Variants in TSHB observed in about 807,000 individuals in gnomAD.
The protein encoded by TSHB is thyroid stimulating hormone subunit beta, also known as thyrotropin subunit beta.
A neutral mutation model predicts 9.3 loss-of-function variants in TSHB; 9 were observed. The ratio of observed to expected loss-of-function variants is 0.97; its 90% CI spans 0.58 to 1.69. TSHB has a LOEUF of 1.69. TSHB is among the 40% of genes most tolerant of loss of function. TSHB has a pLI of 0.00. For missense variants in TSHB, 182 were observed against 168.5 expected, an observed-to-expected ratio of 1.08 and a Z score of -0.44; for synonymous variants, 57 against 57.2, an observed-to-expected ratio of 1.00 and a Z score of 0.01.
At chr1:115,029,901 T>G (rs1355298385) in intron 1 of TSHB, 41 bp downstream of exon 1, 1 of 152,530 alleles carries the variant, frequency 6.6e-6, no homozygotes, top group Admixed American at 6.6e-5. Flanking sequence ...AATGATATGT[T>G]CTTAAGCTAT....
intron 1 of TSHB, among the ~76,000 whole-genome samples, chr1:115,031,694 A>T (rs1424663795): frequency 1.3e-5 from 2 of 152,054 alleles, no homozygotes; most frequent in East Asian, 3.9e-4. Flanking sequence ...ACAGAGGATC[A>T]TCAAGTTCTG....
chr1:115,031,541 T>A (rs1304535019), intron 1 of TSHB, among the ~76,000 whole-genome samples: 1 of 152,078 alleles, frequency 6.6e-6, no homozygotes, highest in African/African-American at 2.4e-5. Flanking sequence ...TACAGAATTA[T>A]AGAGCTAAAA....
At chr1:115,033,301 T>A in intron 1 of TSHB, 61 bp from the exon 2 acceptor site, 1 of 1,528,872 alleles carries the variant, frequency 6.5e-7, no homozygotes, top group Non-Finnish European at 9.0e-7. Context: ...ATACTTTTTC[T>A]TGGTTTCTTT....
rs577492810 is a variant in TSHB at position 115,033,139 on chromosome 1, CA to C, written c.-1-222del. Among the ~76,000 whole-genome samples the C allele has an allele frequency of 5.9e-5, 9 of 151,882 alleles. No individual in the cohort carries two copies. The East Asian group carries it at 1.6e-3, about 26-fold the overall frequency. Reference sequence around the variant, plus strand: ...TATCCTAAGGGTTTGGAAGTGGGATCAGGGGGTTCCTAGATTTCTGAGTTAG... The same window carrying C: ...TATCCTAAGGGTTTGGAAGTGGGATCGGGGGTTCCTAGATTTCTGAGTTAG... On this transcript the variant is annotated intron_variant, in intron 1 of 2. Coordinates refer to ENST00000256592, the MANE Select transcript of TSHB (RefSeq NM_000549.5).
Position 115,034,063 on chromosome 1 carries a change from C to G in TSHB, c.253C>G (p.Pro85Ala). 1 of 1,613,780 alleles carries G rather than the reference C, an allele frequency of 6.2e-7. No homozygotes were observed. Among genetic ancestry groups the G allele is most frequent in the Non-Finnish European group, 8.5e-7 (1 of 1,179,788 alleles). Residue 85 changes from proline to alanine, a missense_variant, in exon 3 of 3, where the codon CCA (proline) becomes GCA (alanine). Physicochemically the swap from Pro to Ala is conservative, Grantham distance 27. Coordinates refer to ENST00000256592, the MANE Select transcript of TSHB (RefSeq NM_000549.5). Reference sequence around the variant, plus strand: ...CTTCATCTACAGGACTGTAGAAATACCAGGATGCCCACTCCATGTTGCTCC... The same window carrying G: ...CTTCATCTACAGGACTGTAGAAATAGCAGGATGCCCACTCCATGTTGCTCC... ...RDFIYRTVEIPGCPLHVAPYF... is the reference protein window; with the variant it reads ...RDFIYRTVEIAGCPLHVAPYF...
chr1:115,030,340 A>G (rs969836400), intron 1 of TSHB, among the ~76,000 whole-genome samples: 2 of 152,016 alleles, frequency 1.3e-5, no homozygotes, highest in African/African-American at 2.4e-5. Flanking sequence ...ACCTCCTTTG[A>G]TAGTGTTCAA....
In TSHB at chr1:115,033,518, G is replaced by A. The variant is rs1244551775; in HGVS notation, c.156G>A (p.Met52Ile). ...INTTICAGYC[M>I]TRDINGKLFL... ...CCACCATCTGTGCTGGATATTGTATGACACGGGTATGTAGTTCATGTCACT... is the reference window on the plus strand; with the variant it reads ...CCACCATCTGTGCTGGATATTGTATAACACGGGTATGTAGTTCATGTCACT... Residue 52 changes from methionine (M) to isoleucine (I), a missense_variant, in exon 2 of 3, where the codon ATG becomes ATA. Physicochemically the swap from Met to Ile is conservative, Grantham distance 10 (BLOSUM62 1). Coordinates refer to ENST00000256592, the MANE Select transcript of TSHB (RefSeq NM_000549.5). 7 of 1,612,796 alleles carry A rather than the reference G, an allele frequency of 4.3e-6. No homozygotes were observed. Among genetic ancestry groups the A allele is most frequent in the African/African-American group, 1.3e-5 (1 of 74,858 alleles).
Position 115,033,980 on chromosome 1 carries a change from A to G in TSHB, c.170A>G (p.Asn57Ser). ...TTTCTGTTCTTTCCCCAGGATATCA[A>G]TGGCAAACTGTTTCTTCCCAAATAT... ...CAGYCMTRDINGKLFLPKYAL... is the reference protein window; with the variant it reads ...CAGYCMTRDISGKLFLPKYAL... The change falls in exon 3 of 3, where the codon AAT becomes AGT. Residue 57 changes from asparagine to serine, a missense_variant. Asn to Ser is a conservative substitution (Grantham distance 46). Coordinates refer to ENST00000256592, the MANE Select transcript of TSHB (RefSeq NM_000549.5). 1 of 1,613,520 alleles carries G rather than the reference A, an allele frequency of 6.2e-7. No individual in the cohort carries two copies. Among genetic ancestry groups the G allele is most frequent in the Non-Finnish European group, 8.5e-7 (1 of 1,179,712 alleles).
chr1:115,033,846 C>A lies in TSHB; in HGVS notation c.163-127C>A, dbSNP rs186902804. On this transcript the variant is annotated intron_variant, in intron 2 of 2. Coordinates refer to ENST00000256592, the MANE Select transcript of TSHB (RefSeq NM_000549.5). ...GTTAAGTTGGTATTGGAGAATGGGGCTAAGCAATTCTTTCCCAGTTGTATT... is the reference window on the plus strand; with the variant it reads ...GTTAAGTTGGTATTGGAGAATGGGGATAAGCAATTCTTTCCCAGTTGTATT... 7.3e-6 allele frequency: 10 copies of A among 1,365,316 alleles called. No individual in the cohort carries two copies. In the East Asian group the frequency reaches 2.3e-4, roughly 32 times the overall value. 84.6% of individuals were successfully genotyped at this position (1,365,316 alleles called of 1,614,324 possible).
At position 115,034,170 on chromosome 1, in the gene TSHB, C is replaced by A; in HGVS notation, c.360C>A (p.Ile120=). The part of the protein sequence containing the change: ...TDYSDCIHEA[I]KTNYCTKPQK... ...ATAGTGACTGCATACATGAAGCCAT[C>A]AAGACAAACTACTGTACCAAACCTC... Residue 120 remains isoleucine, a synonymous_variant, in exon 3 of 3, where the codon ATC becomes ATA. Transcript: ENST00000256592. The A allele has an allele frequency of 6.2e-7, 1 of 1,613,808 alleles. No homozygotes were observed. The highest frequency in any genetic ancestry group is 1.1e-5 in the South Asian group (1 of 91,068).
chr1:115,033,003 A>AG (rs1364456553), intron 1 of TSHB, among the ~76,000 whole-genome samples: 2 of 56,096 alleles, frequency 3.6e-5, no homozygotes, highest in African/African-American at 6.9e-5. Flanking sequence ...AATTGTGTCA[A>AG]CCTTTTTTTT....
At chr1:115,031,532 AC>A (rs1378549795) in intron 1 of TSHB, among the ~76,000 whole-genome samples, 2 of 152,058 alleles carry the variant, frequency 1.3e-5, no homozygotes, top group East Asian at 3.8e-4. Flanking sequence ...TTGATTTTAT[AC>A]AGAATTATAG....
chr1:115,033,787 G>C (rs1674948370), intron 2 of TSHB, 186 bp from the exon 3 acceptor site: 1 of 310,332 alleles, frequency 3.2e-6, no homozygotes, highest in African/African-American at 2.3e-5. Flanking sequence ...AAAGAGAGGA[G>C]GGTCTCACTT....
intron 1 of TSHB, 69 bp from the exon 2 acceptor site, chr1:115,033,293 A>T: frequency 6.8e-7 from 1 of 1,478,116 alleles, no homozygotes; most frequent in Non-Finnish European, 9.4e-7. Context: ...GTTTGGTTAT[A>T]CTTTTTCTTG....
chr1:115,034,105 G>A lies in TSHB; in HGVS notation c.295G>A (p.Val99Ile). Residue 99 changes from valine (V) to isoleucine (I), a missense_variant, in exon 3 of 3, where the codon GTT becomes ATT. Coordinates refer to ENST00000256592, the MANE Select transcript of TSHB (RefSeq NM_000549.5). ...LHVAPYFSYP[V>I]ALSCKCGKCN... ...TGTTGCTCCCTATTTTTCCTATCCT[G>A]TTGCTTTAAGCTGTAAGTGTGGCAA... 6.2e-7 allele frequency: 1 copy of A among 1,613,740 alleles called. No homozygotes were observed. Among genetic ancestry groups the A allele is most frequent in the Non-Finnish European group, 8.5e-7 (1 of 1,179,792 alleles).
At chr1:115,031,567 G>C (rs1293873955) in intron 1 of TSHB, among the ~76,000 whole-genome samples, 1 of 152,152 alleles carries the variant, frequency 6.6e-6, no homozygotes, top group Non-Finnish European at 1.5e-5. Flanking sequence ...AATATGTGAA[G>C]TTAGTTGTTT....
chr1:115,030,036 G>C (rs970951450), intron 1 of TSHB, among the ~76,000 whole-genome samples, 176 bp downstream of exon 1: 1 of 152,022 alleles, frequency 6.6e-6, no homozygotes, highest in Admixed American at 6.6e-5. Flanking sequence ...ATGGAGGTGA[G>C]AGAACTACCT....
chr1:115,030,358 AC>A (rs1209945204), intron 1 of TSHB, among the ~76,000 whole-genome samples: 1 of 152,038 alleles, frequency 6.6e-6, no homozygotes, highest in Non-Finnish European at 1.5e-5. Flanking sequence ...CAACACACAC[AC>A]AGCTGCTGTA....
At chr1:115,030,436 G>A (rs1328618235) in intron 1 of TSHB, among the ~76,000 whole-genome samples, 1 of 151,934 alleles carries the variant, frequency 6.6e-6, no homozygotes, top group Non-Finnish European at 1.5e-5. Flanking sequence ...CATAGGATGG[G>A]CAATTAGTTC....
Sources: gnomAD v4.1 joint callset for allele counts (sites outside exome capture counted in the v4.1 genomes callset) on GRCh38, gnomAD v4.1.1 for gene constraint, MANE v1.5 for transcripts, NCBI Gene and HGNC (gene_info 2026-07-23, HGNC 2026-07-21) for gene names.